The following INSYN2A variants were observed in gnomAD, a reference collection of about 807,000 sequenced individuals.
The protein encoded by INSYN2A is family with sequence similarity 196 member A.
A neutral mutation model predicts 39.4 loss-of-function variants in INSYN2A; 17 were observed. The ratio of observed to expected loss-of-function variants is 0.43; its 90% confidence interval spans 0.30 to 0.65. The LOEUF is 0.65. Among genes scored for constraint, INSYN2A ranks in the 30% least tolerant of loss-of-function variants. INSYN2A has a pLI of 0.14. For synonymous variants in INSYN2A, 255 were observed against 265.7 expected (o/e 0.96, Z 0.39); for missense variants, 595 against 631.2 (o/e 0.94, Z 0.61).
chr10:127,191,218 C>A (rs1476068250), intron 2 of INSYN2A, among the ~76,000 whole-genome samples: 2 of 152,156 alleles, frequency 1.3e-5, no homozygotes, highest in Non-Finnish European at 2.9e-5. Context: ...AATCTCCTAT[C>A]CTGATTCTAC....
At chr10:127,184,732 C>G (rs1159719909) in intron 2 of INSYN2A, among the ~76,000 whole-genome samples, 2 of 152,216 alleles carry the variant, frequency 1.3e-5, no homozygotes, top group Non-Finnish European at 2.9e-5. Flanking sequence ...TGGTCAGTCT[C>G]TACTTTGTGT....
chr10:127,183,078 T>G (rs2055890066), intron 2 of INSYN2A, among the ~76,000 whole-genome samples: 1 of 148,850 alleles, frequency 6.7e-6, no homozygotes, highest in Non-Finnish European at 1.5e-5. Context: ...AATCTTTTTT[T>G]TTTTTTTTTT....
intron 4 of INSYN2A, among the ~76,000 whole-genome samples, chr10:127,158,106 C>A (rs558774104): frequency 6.6e-6 from 1 of 152,294 alleles, no homozygotes; most frequent in South Asian, 2.1e-4. Context: ...AATTGGGCTG[C>A]AGCATCTGAA....
intron 5 of INSYN2A, among the ~76,000 whole-genome samples, chr10:127,152,953 G>A (rs1252635289): frequency 6.6e-6 from 1 of 152,192 alleles, no homozygotes; most frequent in Non-Finnish European, 1.5e-5. Flanking sequence ...AGAGAACCCT[G>A]ATGGGTTGAA....
intron 4 of INSYN2A, among the ~76,000 whole-genome samples, chr10:127,167,531 T>C (rs1346313280): frequency 6.6e-6 from 1 of 151,990 alleles, no homozygotes; most frequent in Admixed American, 6.6e-5. Context: ...TTTATGAATA[T>C]TATAAGGCAG....
intron 5 of INSYN2A, among the ~76,000 whole-genome samples, chr10:127,140,672 T>TGGGTTGAGTTTGACACACCGAGTCTCG (rs2051152678): frequency 6.6e-6 from 1 of 152,178 alleles, no homozygotes; most frequent in African/African-American, 2.4e-5. Context: ...ACCGAGTCTC[T>TGGGTTGAGTTTGACACACCGAGTCTCG]GGGTTGAGTC....
At chr10:127,170,087 A>G (rs2133818381) in intron 4 of INSYN2A, among the ~76,000 whole-genome samples, 1 of 152,012 alleles carries the variant, frequency 6.6e-6, no homozygotes. Flanking sequence ...GAGGATGAAC[A>G]GAACCCCTGC....
At chr10:127,155,598 C>T (rs2052966171) in intron 4 of INSYN2A, among the ~76,000 whole-genome samples, 1 of 152,116 alleles carries the variant, frequency 6.6e-6, no homozygotes, top group African/African-American at 2.4e-5. Flanking sequence ...TCACCAGACA[C>T]GGTGATTTTG....
chr10:127,177,744 A>G (rs1030581480), intron 2 of INSYN2A, among the ~76,000 whole-genome samples: 7 of 152,254 alleles, frequency 4.6e-5, no homozygotes, highest in African/African-American at 7.2e-5. Context: ...CACAAGAACT[A>G]TGACATGCGC....
At chr10:127,164,940 C>A (rs745613732) in intron 4 of INSYN2A, among the ~76,000 whole-genome samples, 10 of 152,140 alleles carry the variant, frequency 6.6e-5, no homozygotes, top group Non-Finnish European at 1.2e-4. Flanking sequence ...CTTTTTCCAG[C>A]TGAGGCCGAG....
At chr10:127,170,293 C>T (rs889408046) in intron 4 of INSYN2A, among the ~76,000 whole-genome samples, 1 of 152,212 alleles carries the variant, frequency 6.6e-6, no homozygotes, top group Non-Finnish European at 1.5e-5. Flanking sequence ...GGTCTTATCA[C>T]TACCTGCTGG....
At chr10:127,167,889 C>A (rs1421994297) in intron 4 of INSYN2A, among the ~76,000 whole-genome samples, 1 of 152,190 alleles carries the variant, frequency 6.6e-6, no homozygotes, top group Non-Finnish European at 1.5e-5. Context: ...AGCTCCTCCC[C>A]TGGCTTCACC....
In INSYN2A at chr10:127,137,965, G is replaced by A. The variant is rs1452951757; in HGVS notation, c.1312C>T (p.Leu438Phe). The A allele has an allele frequency of 6.2e-7, 1 of 1,613,992 alleles. No homozygotes were observed. Among genetic ancestry groups the A allele is most frequent in the Non-Finnish European group, 8.5e-7 (1 of 1,179,980 alleles). The part of the protein sequence containing the change: ...EDKLQPVLRK[L>F]HPIEETQVIP... ...ACCTGAGTTTCCTCAATAGGGTGGAGTTTTCTTAGAACCGGCTGGAGTTTG... is the reference window on the plus strand; with the variant it reads ...ACCTGAGTTTCCTCAATAGGGTGGAATTTTCTTAGAACCGGCTGGAGTTTG... The change falls in exon 6 of 6, where the codon CTC (leucine) becomes TTC (phenylalanine). Residue 438 changes from leucine to phenylalanine, a missense_variant. Leu to Phe is a conservative substitution (Grantham distance 22). This residue lies in a region of INSYN2A where 117 missense variants were observed against 163.8 expected (regional missense o/e 0.71). Transcript: ENST00000522781.
chr10:127,184,317 C>CG, intron 2 of INSYN2A, among the ~76,000 whole-genome samples: 1 of 151,190 alleles, frequency 6.6e-6, no homozygotes, highest in Middle Eastern at 3.4e-3. Flanking sequence ...ATTCATTCCC[C>CG]CCCCAGTCTA....
At chr10:127,193,730 CTTAT>C (rs1479397772) in intron 1 of INSYN2A, among the ~76,000 whole-genome samples, 2 of 152,158 alleles carry the variant, frequency 1.3e-5, no homozygotes, top group African/African-American at 4.8e-5. Flanking sequence ...AAGTCTTTCT[CTTAT>C]TTATTGATTT....
At chr10:127,174,243 C>T (rs2054854469) in intron 4 of INSYN2A, among the ~76,000 whole-genome samples, 1 of 152,222 alleles carries the variant, frequency 6.6e-6, no homozygotes, top group Non-Finnish European at 1.5e-5. Context: ...CAACAGGGCG[C>T]TGCCTCCGAT....
intron 2 of INSYN2A, among the ~76,000 whole-genome samples, chr10:127,179,868 T>C (rs532610727): frequency 7.2e-5 from 11 of 152,338 alleles, no homozygotes; most frequent in Admixed American, 6.5e-4. Flanking sequence ...GCTAATCAAA[T>C]GTCACCATTC....
intron 4 of INSYN2A, among the ~76,000 whole-genome samples, chr10:127,167,098 CTTA>C (rs1420957325): frequency 2.6e-5 from 4 of 151,612 alleles, no homozygotes; most frequent in Non-Finnish European, 4.4e-5. Context: ...GATGGAAAGC[CTTA>C]TTATTTTTTA....
chr10:127,178,621 G>A (rs1337555453), intron 2 of INSYN2A, among the ~76,000 whole-genome samples: 6 of 152,206 alleles, frequency 3.9e-5, no homozygotes, highest in Admixed American at 6.5e-5. Flanking sequence ...TGAGGCTTGC[G>A]TAGACAGCAA....
Sources: gnomAD v4.1 joint callset for allele counts (sites outside exome capture counted in the v4.1 genomes callset) on GRCh38, gnomAD v4.1.1 for gene constraint, gnomAD v4.1.1 regional missense constraint, MANE v1.5 for transcripts, NCBI Gene and HGNC (gene_info 2026-07-23, HGNC 2026-07-21) for gene names.